TDP1: variants seen among roughly 807,000 people sequenced by gnomAD.
The protein encoded by TDP1 is tyrosyl-DNA phosphodiesterase 1, also known as tyr-DNA phosphodiesterase 1.
A neutral mutation model predicts 81.5 loss-of-function variants in TDP1; 64 were observed. That is an observed-to-expected ratio of 0.79 (90% CI 0.64 to 0.97). The LOEUF is 0.97. Among genes scored for constraint, TDP1 ranks in the 50% least tolerant of loss-of-function variants. The pLI is 0.00. For missense variants in TDP1, 723 were observed against 743.8 expected (o/e 0.97, Z 0.33); for synonymous variants, 256 against 264.3 (o/e 0.97, Z 0.30).
intron 3 of TDP1, chr14:89,964,763 T>A (rs1197731220): frequency 1.1e-5 from 4 of 355,170 alleles, no homozygotes; most frequent in African/African-American, 8.8e-5. Context: ...AGTTTTGCTC[T>A]ATATAATAAA....
intron 10 of TDP1, 31 bp downstream of exon 10, chr14:89,985,241 T>A (rs888916388): frequency 2.4e-5 from 32 of 1,308,114 alleles, no homozygotes; most frequent in Non-Finnish European, 2.7e-5. Context: ...TTAACATTTT[T>A]AAAAAATTTA....
rs190397530 is a variant in TDP1, at chr14:89,988,991, C to G, written c.1218C>G (p.Ala406=). ...GQFSSVGSLG[A]DESKWLCSEF... ...TTTCAAGCGTTGGCTCCTTGGGAGC[C>G]GATGAATCAAAGTGGTTATGTTCTG... is the stretch of plus-strand genomic sequence containing the variant. The change falls in exon 11 of 17, where the codon GCC becomes GCG. Residue 406 remains alanine (A), a synonymous_variant. Transcript: ENST00000335725. 1 of 1,613,982 alleles carries G rather than the reference C, an allele frequency of 6.2e-7. No individual in the cohort carries two copies. The highest frequency in any genetic ancestry group is 1.3e-5 in the African/African-American group (1 of 74,900).
intron 2 of TDP1, among the ~76,000 whole-genome samples, chr14:89,957,783 A>C (rs950068890): frequency 2.0e-5 from 3 of 152,084 alleles, no homozygotes; most frequent in African/African-American, 7.2e-5. Flanking sequence ...GCCAAATTTC[A>C]CTCACACTCA....
At chr14:90,018,662 A>G (rs1885601591) in intron 14 of TDP1, among the ~76,000 whole-genome samples, 1 of 151,964 alleles carries the variant, frequency 6.6e-6, no homozygotes, top group East Asian at 1.9e-4. Context: ...CATCTTTCCC[A>G]GGCTGGTCCT....
At chr14:90,006,874 G>T (rs906036776) in intron 14 of TDP1, among the ~76,000 whole-genome samples, 6 of 151,878 alleles carry the variant, frequency 4.0e-5, no homozygotes, top group African/African-American at 1.5e-4. Context: ...TCATAGAGAT[G>T]GAGTTTTGAA....
intron 14 of TDP1, among the ~76,000 whole-genome samples, chr14:90,015,639 CCTT>C (rs1301309446): frequency 1.3e-5 from 2 of 152,182 alleles, no homozygotes; most frequent in Non-Finnish European, 2.9e-5. Flanking sequence ...CCGGTGAGGG[CCTT>C]CTTCTGGGCT....
intron 3 of TDP1, chr14:89,964,936 C>A: frequency 2.5e-6 from 1 of 400,042 alleles, no homozygotes. Context: ...GGTCGTAGAG[C>A]TGGTAATGAC....
At chr14:90,029,284 G>A (rs1487576977) in intron 15 of TDP1, among the ~76,000 whole-genome samples, 1 of 144,948 alleles carries the variant, frequency 6.9e-6, no homozygotes, top group African/African-American at 2.6e-5. Flanking sequence ...TGCAACCTCC[G>A]CCTTCTGGGT....
intron 4 of TDP1, chr14:89,967,153 A>G (rs1454514823): frequency 2.0e-6 from 2 of 979,080 alleles, no homozygotes; most frequent in Admixed American, 6.1e-5. Flanking sequence ...CTGTTATCTC[A>G]TGTACTTGGC....
At chr14:90,040,702 G>A (rs1888273739) in intron 16 of TDP1, among the ~76,000 whole-genome samples, 1 of 152,232 alleles carries the variant, frequency 6.6e-6, no homozygotes, top group Non-Finnish European at 1.5e-5. Context: ...CAATTTAGGA[G>A]GATTGCATAA....
intron 14 of TDP1, among the ~76,000 whole-genome samples, chr14:90,006,026 A>T (rs1897646359): frequency 6.6e-6 from 1 of 152,230 alleles, no homozygotes. Flanking sequence ...GGACTATGCC[A>T]TCGGGCACCA....
intron 7 of TDP1, among the ~76,000 whole-genome samples, chr14:89,978,473 G>A (rs927315832): frequency 6.6e-6 from 1 of 152,202 alleles, no homozygotes; most frequent in African/African-American, 2.4e-5. Flanking sequence ...GAATAGCTGC[G>A]CATTTGGGTT....
chr14:89,991,807 A>C, intron 12 of TDP1, 110 bp from the exon 13 acceptor site: 6 of 1,249,520 alleles, frequency 4.8e-6, no homozygotes, highest in Non-Finnish European at 6.6e-6. Flanking sequence ...AAGTAATAGA[A>C]GTAGTTTTTT....
At chr14:89,958,735 C>G (rs183082006) in intron 2 of TDP1, among the ~76,000 whole-genome samples, 24 of 152,324 alleles carry the variant, frequency 1.6e-4, no homozygotes, top group Admixed American at 8.5e-4. Context: ...ACACTTGTAG[C>G]TTGGCTTTCA....
chr14:90,031,565 G>A (rs1237238832), intron 15 of TDP1, among the ~76,000 whole-genome samples: 1 of 152,014 alleles, frequency 6.6e-6, no homozygotes, highest in African/African-American at 2.4e-5. Flanking sequence ...GCTGAGGCAT[G>A]AGAACTGCTT....
intron 8 of TDP1, chr14:89,983,987 T>C: frequency 2.9e-6 from 1 of 349,860 alleles, no homozygotes; most frequent in Non-Finnish European, 4.0e-6. Context: ...ACCTACGTTA[T>C]GAAAATGGGT....
chr14:90,009,207 A>AG (rs1339184693), intron 14 of TDP1, among the ~76,000 whole-genome samples: 2 of 152,160 alleles, frequency 1.3e-5, no homozygotes, highest in African/African-American at 4.8e-5. Flanking sequence ...AAACCTCTGT[A>AG]CCTCCAGATA....
chr14:90,027,797 A>G (rs1886838235), intron 15 of TDP1, among the ~76,000 whole-genome samples: 1 of 152,210 alleles, frequency 6.6e-6, no homozygotes. Context: ...AATGTAACTC[A>G]TAGGATCTCA....
intron 14 of TDP1, among the ~76,000 whole-genome samples, chr14:90,014,421 G>T (rs976560161): frequency 6.6e-6 from 1 of 152,192 alleles, no homozygotes; most frequent in Admixed American, 6.5e-5. Flanking sequence ...ACACACTGCC[G>T]TGGAGTTTTA....
Sources: gnomAD v4.1 joint callset for allele counts (sites outside exome capture counted in the v4.1 genomes callset) on GRCh38, gnomAD v4.1.1 for gene constraint, MANE v1.5 for transcripts, NCBI Gene and HGNC (gene_info 2026-07-23, HGNC 2026-07-21) for gene names.